Variants in TSPAN5 observed in about 807,000 individuals in gnomAD.
TSPAN5 encodes the protein tetraspanin-5.
In TSPAN5, 10 loss-of-function variants were observed where a neutral mutation model predicts 37.1. The observed-to-expected ratio is 0.27, with a 90% CI of 0.17 to 0.46. TSPAN5 has a LOEUF of 0.46. Among genes scored for constraint, TSPAN5 ranks in the 20% least tolerant of loss-of-function variants. The probability of loss-of-function intolerance (pLI) is 1.00; values close to 1 mark genes in which losing one functional copy is unlikely to be tolerated. For synonymous variants in TSPAN5, 110 were observed against 118.9 expected (o/e 0.93, Z 0.48); for missense variants, 195 against 326.6 (o/e 0.60, Z 3.11).
chr4:98,534,845 TTTTG>T (rs1421719051), intron 1 of TSPAN5, among the ~76,000 whole-genome samples: 1 of 152,196 alleles, frequency 6.6e-6, no homozygotes, highest in Non-Finnish European at 1.5e-5. Context: ...AACTCCTGTT[TTTTG>T]TTTGTTTGTT....
At chr4:98,536,003 T>C (rs977061041) in intron 1 of TSPAN5, among the ~76,000 whole-genome samples, 3 of 152,166 alleles carry the variant, frequency 2.0e-5, no homozygotes, top group African/African-American at 4.8e-5. Flanking sequence ...AAGTCTGTTA[T>C]TACCCACCTT....
chr4:98,533,541 A>ATTTTTTTTTTT (rs1754149539), intron 1 of TSPAN5, among the ~76,000 whole-genome samples: 1 of 33,420 alleles, frequency 3.0e-5, no homozygotes, highest in Non-Finnish European at 4.8e-5. Context: ...TATCCCCTAT[A>ATTTTTTTTTTT]TCTTTTTTTT....
chr4:98,611,285 C>T (rs1422223516), intron 1 of TSPAN5, among the ~76,000 whole-genome samples: 1 of 152,172 alleles, frequency 6.6e-6, no homozygotes, highest in Non-Finnish European at 1.5e-5. Context: ...AGTGAGTTAG[C>T]CTCCCCCTTG....
At chr4:98,512,000 G>A (rs935354395) in intron 1 of TSPAN5, among the ~76,000 whole-genome samples, 1 of 152,132 alleles carries the variant, frequency 6.6e-6, no homozygotes, top group African/African-American at 2.4e-5. Context: ...GGATCATGAG[G>A]TCAAGAGATC....
chr4:98,563,486 C>T (rs1170827261), intron 1 of TSPAN5, among the ~76,000 whole-genome samples: 1 of 152,134 alleles, frequency 6.6e-6, no homozygotes, highest in Non-Finnish European at 1.5e-5. Flanking sequence ...CAGTGTTTGT[C>T]CTTTGGCTCA....
In TSPAN5 at chr4:98,470,395, G is replaced by A. The variant is rs149152890; in HGVS notation, c.*2127C>T. 2.6e-5 allele frequency: 4 copies of A among 152,286 alleles called. No individual in the cohort carries two copies. Among genetic ancestry groups the A allele is most frequent in the African/African-American group, 9.6e-5 (4 of 41,554 alleles). The allele number at this position is 152,286 out of a possible 1,614,324, so 9.4% of individuals were successfully genotyped here. On this transcript the variant is annotated 3_prime_UTR_variant, in exon 8 of 8. Transcript: ENST00000305798. ...GGTAGAACCAAGTTTATTAATGACA[G>A]CCTTTATTACAATCACTCTCAAGTG...
intron 1 of TSPAN5, among the ~76,000 whole-genome samples, chr4:98,535,186 T>A (rs1248925675): frequency 6.6e-6 from 1 of 152,202 alleles, no homozygotes; most frequent in Non-Finnish European, 1.5e-5. Context: ...TTCCTGTCCA[T>A]GTTTAGTGCT....
chr4:98,621,900 G>A (rs1160434060), intron 1 of TSPAN5, among the ~76,000 whole-genome samples: 1 of 151,420 alleles, frequency 6.6e-6, no homozygotes, highest in East Asian at 1.9e-4. Context: ...TTTTGTGTAC[G>A]GCTTGTCACT....
At chr4:98,606,622 C>G (rs957360334) in intron 1 of TSPAN5, among the ~76,000 whole-genome samples, 5 of 152,006 alleles carry the variant, frequency 3.3e-5, no homozygotes, top group African/African-American at 1.2e-4. Flanking sequence ...TTTTCCAAAA[C>G]GACAAAAAAG....
intron 4 of TSPAN5, among the ~76,000 whole-genome samples, chr4:98,479,452 G>A (rs1752786637): frequency 6.6e-6 from 1 of 152,200 alleles, no homozygotes; most frequent in South Asian, 2.1e-4. Context: ...CCCCTGCAGA[G>A]AGCCTATGAA....
chr4:98,576,442 A>G (rs1755238088), intron 1 of TSPAN5, among the ~76,000 whole-genome samples: 1 of 152,208 alleles, frequency 6.6e-6, no homozygotes, highest in Non-Finnish European at 1.5e-5. Flanking sequence ...TGATTTAAAA[A>G]ATGTCATGGG....
chr4:98,484,458 C>A (rs1238231523), intron 3 of TSPAN5: 4 of 455,876 alleles, frequency 8.8e-6, no homozygotes, highest in Admixed American at 4.7e-5. Flanking sequence ...GGAGAGAGGC[C>A]ATTTAAGATA....
chr4:98,544,163 G>C (rs1035234241), intron 1 of TSPAN5, among the ~76,000 whole-genome samples: 8 of 152,158 alleles, frequency 5.3e-5, no homozygotes, highest in Admixed American at 1.3e-4. Context: ...CTGAGTGACA[G>C]AGCAAGACCC....
chr4:98,627,171 C>T (rs1283459337), intron 1 of TSPAN5, among the ~76,000 whole-genome samples: 1 of 151,876 alleles, frequency 6.6e-6, no homozygotes, highest in African/African-American at 2.4e-5. Flanking sequence ...ATCAGCTGGC[C>T]TGTAATTAAA....
intron 1 of TSPAN5, among the ~76,000 whole-genome samples, chr4:98,636,631 C>G (rs908304893): frequency 8.5e-5 from 13 of 152,108 alleles, no homozygotes; most frequent in Non-Finnish European, 1.6e-4. Flanking sequence ...CTCTATTAAT[C>G]TGTGCACTTA....
intron 1 of TSPAN5, among the ~76,000 whole-genome samples, chr4:98,602,797 G>A (rs543517273): frequency 1.3e-5 from 2 of 152,190 alleles, no homozygotes; most frequent in African/African-American, 4.8e-5. Flanking sequence ...GCTCAAACAC[G>A]GGTGCAAGAG....
intron 1 of TSPAN5, among the ~76,000 whole-genome samples, chr4:98,642,643 C>T (rs1349409405): frequency 6.6e-6 from 1 of 151,788 alleles, no homozygotes; most frequent in African/African-American, 2.4e-5. Flanking sequence ...CACTACATAA[C>T]GACATTTTAA....
At chr4:98,568,686 G>A (rs536814409) in intron 1 of TSPAN5, among the ~76,000 whole-genome samples, 9 of 152,334 alleles carry the variant, frequency 5.9e-5, no homozygotes, top group East Asian at 5.8e-4. Flanking sequence ...AGGAGATGGT[G>A]AGTGAGGGAG....
At chr4:98,647,865 TA>T (rs59286533) in intron 1 of TSPAN5, among the ~76,000 whole-genome samples, 4,388 of 143,068 alleles carry the variant, frequency 0.031, 192 homozygotes, top group African/African-American at 0.098. Flanking sequence ...TTGTTTTGTT[TA>T]AAAAAAAAAA....
Sources: allele counts gnomAD v4.1 joint callset (sites outside exome capture counted in the v4.1 genomes callset), GRCh38; gene constraint gnomAD v4.1.1; transcripts MANE v1.5; gene names NCBI Gene and HGNC (gene_info 2026-07-23, HGNC 2026-07-21).